The following PCDH15 variants were observed in gnomAD, a reference collection of about 807,000 sequenced individuals.
PCDH15 encodes protocadherin related 15.
A neutral mutation model predicts 178.5 loss-of-function variants in PCDH15; 129 were observed. The ratio of observed to expected loss-of-function variants is 0.72; its 90% CI spans 0.63 to 0.84. The LOEUF is 0.84. Ranked by LOEUF, PCDH15 falls within the 40% of genes least tolerant of loss-of-function variation. The probability of loss-of-function intolerance (pLI) is 0.00; values close to 1 mark genes in which losing one functional copy is unlikely to be tolerated. For missense variants in PCDH15, 2,230 were observed against 2,099.9 expected, an observed-to-expected ratio of 1.06 and a Z score of -1.21; for synonymous variants, 800 against 732.0, an observed-to-expected ratio of 1.09 and a Z score of -1.50.
At chr10:54,406,710 A>G (rs1952717704) in intron 3 of PCDH15, among the ~76,000 whole-genome samples, 1 of 152,070 alleles carries the variant, frequency 6.6e-6, no homozygotes, top group Non-Finnish European at 1.5e-5. Context: ...TATCCATATG[A>G]AAAACAAAAG....
chr10:55,203,299 GATT>G (rs969830891), intron 1 of PCDH15, among the ~76,000 whole-genome samples: 14 of 151,642 alleles, frequency 9.2e-5, no homozygotes, highest in African/African-American at 3.2e-4. Context: ...CTGATTTCTG[GATT>G]ATTATTATTA....
chr10:54,241,799 A>T (rs1296341669), intron 8 of PCDH15, among the ~76,000 whole-genome samples: 1 of 152,020 alleles, frequency 6.6e-6, no homozygotes, highest in Non-Finnish European at 1.5e-5. Context: ...CATAATGAGA[A>T]GGTAATCATA....
intron 3 of PCDH15, among the ~76,000 whole-genome samples, chr10:54,419,824 A>C (rs1954990756): frequency 6.6e-6 from 1 of 152,232 alleles, no homozygotes; most frequent in South Asian, 2.1e-4. Context: ...ATGGCAGAAC[A>C]TGAGTGCAGA....
chr10:55,300,420 T>A (rs1256143594), intron 1 of PCDH15, among the ~76,000 whole-genome samples: 1 of 152,076 alleles, frequency 6.6e-6, no homozygotes, highest in Non-Finnish European at 1.5e-5. Context: ...ACAGTGAGAA[T>A]CCAAGACAGA....
intron 2 of PCDH15, among the ~76,000 whole-genome samples, chr10:55,555,426 C>T (rs143727274): frequency 0.01 from 1,561 of 152,160 alleles, 14 homozygotes; most frequent in Non-Finnish European, 0.016. Flanking sequence ...TTCTGCTTCT[C>T]CAATACTTAA....
In PCDH15 at chr10:55,311,404, G is replaced by A. The variant is rs182549073; in HGVS notation, c.-156+8195C>T. ...GAGTGCCTCCATAGCGGTGACTGTG[G>A]AACCTTGATCATCTTGAATACAGTG... On this transcript the variant is annotated intron_variant, in intron 1 of 5. Transcript: ENST00000458638. 1.0e-3 allele frequency among the ~76,000 whole-genome samples: 159 copies of A among 152,250 alleles called. 1 individual carries two copies. Among genetic ancestry groups the A allele is most frequent in the Middle Eastern group, 6.8e-3 (2 of 294 alleles).
chr10:54,274,484 T>C (rs1406283041), intron 8 of PCDH15, among the ~76,000 whole-genome samples: 1 of 152,050 alleles, frequency 6.6e-6, no homozygotes, highest in African/African-American at 2.4e-5. Flanking sequence ...AGGACTGTTG[T>C]TTGTTTTGTG....
intron 21 of PCDH15, among the ~76,000 whole-genome samples, chr10:53,966,298 T>C (rs888554658): frequency 3.3e-5 from 5 of 152,170 alleles, no homozygotes; most frequent in African/African-American, 9.7e-5. Flanking sequence ...TTATTTTATA[T>C]CACATATTAT....
chr10:54,141,481 TC>T (rs2043405023), intron 14 of PCDH15, among the ~76,000 whole-genome samples: 1 of 152,194 alleles, frequency 6.6e-6, no homozygotes, highest in South Asian at 2.1e-4. Flanking sequence ...CCAATGTAAT[TC>T]AATTCAATCA....
At chr10:53,827,989 A>C in intron 31 of PCDH15, among the ~76,000 whole-genome samples, 1 of 152,044 alleles carries the variant, frequency 6.6e-6, no homozygotes, top group East Asian at 1.9e-4. Context: ...TATTTCACAG[A>C]GGCTGTACAC....
intron 2 of PCDH15, among the ~76,000 whole-genome samples, chr10:55,141,550 C>T (rs930797980): frequency 2.6e-5 from 4 of 152,022 alleles, no homozygotes; most frequent in Admixed American, 1.3e-4. Context: ...TTTTCTAATA[C>T]TAATTAAAAT....
chr10:55,271,342 A>G (rs949509563), intron 1 of PCDH15, among the ~76,000 whole-genome samples: 3 of 152,052 alleles, frequency 2.0e-5, no homozygotes, highest in Non-Finnish European at 4.4e-5. Flanking sequence ...AGGTACCTTC[A>G]TGAATTAACT....
At chr10:54,807,209 G>C (rs1368657463) in intron 3 of PCDH15, among the ~76,000 whole-genome samples, 1 of 152,054 alleles carries the variant, frequency 6.6e-6, no homozygotes, top group Non-Finnish European at 1.5e-5. Flanking sequence ...TAGTAAAGTT[G>C]TTGAAAATTC....
chr10:53,823,628 TTTTG>T (rs2076469279), intron 32 of PCDH15, among the ~76,000 whole-genome samples: 1 of 152,068 alleles, frequency 6.6e-6, no homozygotes, highest in Admixed American at 6.6e-5. Flanking sequence ...TATTTTTTGT[TTTTG>T]TTTTTTTTCA....
intron 3 of PCDH15, among the ~76,000 whole-genome samples, chr10:54,418,248 T>C (rs1426459820): frequency 1.3e-5 from 2 of 152,196 alleles, no homozygotes; most frequent in Non-Finnish European, 2.9e-5. Flanking sequence ...CTAAATGGTG[T>C]GTATATGGGA....
rs1215442755 is a variant in PCDH15, at chr10:53,825,021, T to G, written c.4367+2372A>C. The G allele has an allele frequency of 2.4e-6, 3 of 1,266,362 alleles. No homozygotes were observed. The East Asian group carries it at 9.3e-5, about 39-fold the overall frequency. 78.4% of individuals were successfully genotyped at this position (1,266,362 alleles called of 1,614,324 possible). A position where few individuals can be genotyped will look rare whatever the true frequency, so the allele number is the denominator to read the frequency against. ...ACAAAACTTTCCTTTTAACAGTAAG[T>G]GAGTCTGTGGCAAAAGATGAAGATC... On this transcript the variant is annotated intron_variant, in intron 32 of 37. Coordinates refer to ENST00000644397, the MANE Select transcript of PCDH15 (RefSeq NM_001384140.1).
At chr10:55,024,462 C>CAT (rs926367616) in intron 2 of PCDH15, among the ~76,000 whole-genome samples, 2 of 100,448 alleles carry the variant, frequency 2.0e-5, no homozygotes, top group Middle Eastern at 4.8e-3. Flanking sequence ...TATACACACA[C>CAT]ATATATATAT....
chr10:54,224,339 C>A (rs1277030270), intron 9 of PCDH15, among the ~76,000 whole-genome samples: 1 of 152,082 alleles, frequency 6.6e-6, no homozygotes, highest in Non-Finnish European at 1.5e-5. Context: ...GGATACCCTG[C>A]AGAAGCCAAG....
In PCDH15 at chr10:53,806,971, C is replaced by G; in HGVS notation, c.4831G>C (p.Val1611Leu). The change falls in exon 38 of 38, where the codon GTG becomes CTG. Residue 1611 changes from valine (V) to leucine (L), a missense_variant. Transcript: ENST00000644397. ...GNIYIAQNGS[V>L]VRTRRACLTD... Reference sequence around the variant, plus strand: ...AGGCAGGCACGGCGGGTTCTCACCACAGAACCATTCTGTGCAATATATATA... The same window carrying G: ...AGGCAGGCACGGCGGGTTCTCACCAGAGAACCATTCTGTGCAATATATATA... 5 of 1,613,774 alleles carry G rather than the reference C, an allele frequency of 3.1e-6. No individual in the cohort carries two copies. Among genetic ancestry groups the G allele is most frequent in the Non-Finnish European group, 4.2e-6 (5 of 1,179,822 alleles).
Sources: allele counts gnomAD v4.1 joint callset (sites outside exome capture counted in the v4.1 genomes callset), GRCh38; gene constraint gnomAD v4.1.1; transcripts MANE v1.5; gene names NCBI Gene and HGNC (gene_info 2026-07-23, HGNC 2026-07-21).